Variants in CRLS1 observed in about 807,000 individuals in gnomAD.
The protein encoded by CRLS1 is cardiolipin synthase 1.
In CRLS1, 24 loss-of-function variants were observed where a neutral mutation model predicts 37.0. That is an observed-to-expected ratio of 0.65 (90% CI 0.47 to 0.91). The LOEUF (loss-of-function observed/expected upper bound fraction) is 0.91. Among genes scored for constraint, CRLS1 ranks in the 40% least tolerant of loss-of-function variants. The pLI, the probability that CRLS1 is intolerant of heterozygous loss-of-function variation, is 0.00. For synonymous variants in CRLS1, 135 were observed against 159.7 expected, an observed-to-expected ratio of 0.85 and a Z score of 1.17; for missense variants, 373 against 395.8, an observed-to-expected ratio of 0.94 and a Z score of 0.49.
intron 4 of CRLS1, 68 bp downstream of exon 4, chr20:6,031,438 A>G: frequency 2.5e-6 from 3 of 1,222,070 alleles, no homozygotes; most frequent in South Asian, 2.7e-5. Flanking sequence ...AAAAAGACAT[A>G]TTTTTGCGTC....
intron 3 of CRLS1, among the ~76,000 whole-genome samples, chr20:6,019,911 G>A (rs1030013139): frequency 1.3e-5 from 2 of 151,912 alleles, no homozygotes; most frequent in Non-Finnish European, 2.9e-5. Context: ...TGATCCTGAA[G>A]TGATCCTGAC....
At chr20:6,008,090 CT>C (rs11479572) in intron 1 of CRLS1, among the ~76,000 whole-genome samples, 21,986 of 138,312 alleles carry the variant, frequency 0.16, 2,006 homozygotes, top group Middle Eastern at 0.25. Flanking sequence ...TTAGAGAATA[CT>C]TTTTTTTTTT....
At position 6,037,136 on chromosome 20, in the gene CRLS1, C is replaced by CT; in HGVS notation, c.885dup (p.Val296CysfsTer15). ...AGTTACTATCATTATGGCCGGAAGACTGTTCAGGTGATAAAAGACTGATGA... is the reference window on the plus strand; with the variant it reads ...AGTTACTATCATTATGGCCGGAAGACTTGTTCAGGTGATAAAAGACTGATGA... On this transcript the variant is annotated frameshift_variant, in exon 7 of 7. Coordinates refer to ENST00000378863, the MANE Select transcript of CRLS1 (RefSeq NM_019095.6). LOFTEE classifies it high-confidence loss of function. The CT allele has an allele frequency of 6.2e-7, 1 of 1,613,408 alleles. No individual in the cohort carries two copies. Among genetic ancestry groups the CT allele is most frequent in the Non-Finnish European group, 8.5e-7 (1 of 1,179,586 alleles).
rs1368525476 is a variant in CRLS1, at chr20:6,039,534, T to C, written c.*2376T>C. 2.0e-5 allele frequency: 3 copies of C among 152,114 alleles called. No homozygotes were observed. The highest frequency in any genetic ancestry group is 4.4e-5 in the Non-Finnish European group (3 of 68,034). 9.4% of individuals were successfully genotyped at this position (152,114 alleles called of 1,614,324 possible). On this transcript the variant is annotated 3_prime_UTR_variant, in exon 7 of 7. Transcript: ENST00000378863. ...GCATGGTTTGGAAACAAAAGATACATAGGATTTAAACTCGATTTGTTTTCT... is the reference window on the plus strand; with the variant it reads ...GCATGGTTTGGAAACAAAAGATACACAGGATTTAAACTCGATTTGTTTTCT...
intron 3 of CRLS1, 143 bp downstream of exon 3, chr20:6,015,633 G>C: frequency 1.3e-6 from 1 of 780,716 alleles, no homozygotes; most frequent in Non-Finnish European, 2.1e-6. Flanking sequence ...TTAAACTGTT[G>C]AACTGTTTTG....
At chr20:6,017,947 A>G (rs775403314) in intron 3 of CRLS1, among the ~76,000 whole-genome samples, 1 of 152,136 alleles carries the variant, frequency 6.6e-6, no homozygotes, top group Non-Finnish European at 1.5e-5. Context: ...GCCGGGCACA[A>G]TGGCTTGCCC....
At chr20:6,022,335 CTTTT>C (rs34621758) in intron 3 of CRLS1, among the ~76,000 whole-genome samples, 2 of 94,698 alleles carry the variant, frequency 2.1e-5, no homozygotes, top group Non-Finnish European at 2.0e-5. Flanking sequence ...TAATCCATTG[CTTTT>C]TTTTTTTTTT....
intron 3 of CRLS1, among the ~76,000 whole-genome samples, chr20:6,017,360 T>C (rs981801981): frequency 6.6e-6 from 1 of 152,252 alleles, no homozygotes; most frequent in Non-Finnish European, 1.5e-5. Context: ...GCTTTTAGGA[T>C]TTTAAGAAAA....
At chr20:6,023,727 G>A (rs1600374808) in intron 3 of CRLS1, among the ~76,000 whole-genome samples, 1 of 144,978 alleles carries the variant, frequency 6.9e-6, no homozygotes, top group Non-Finnish European at 1.5e-5. Flanking sequence ...AATTTTTCAA[G>A]AGCTCATGTT....
chr20:6,025,256 C>T (rs1448944326), intron 3 of CRLS1, among the ~76,000 whole-genome samples: 1 of 152,184 alleles, frequency 6.6e-6, no homozygotes, highest in Non-Finnish European at 1.5e-5. Flanking sequence ...GAAGCCAGTG[C>T]TAATTTATCA....
chr20:6,023,775 G>A (rs188100121), intron 3 of CRLS1, among the ~76,000 whole-genome samples: 1 of 149,476 alleles, frequency 6.7e-6, no homozygotes, highest in African/African-American at 2.5e-5. Flanking sequence ...CTTATATCGT[G>A]TATGAATGTC....
chr20:6,036,847 C>G (rs182018020), intron 6 of CRLS1, among the ~76,000 whole-genome samples: 1 of 152,234 alleles, frequency 6.6e-6, no homozygotes, highest in Admixed American at 6.5e-5. Flanking sequence ...ATTTGTAGGG[C>G]TCATTATCTA....
Position 6,034,463 on chromosome 20 carries a change from G to A in CRLS1, c.730-1G>A, listed in dbSNP as rs780213898. 1 of 1,608,640 alleles carries A rather than the reference G, an allele frequency of 6.2e-7. No homozygotes were observed. Among genetic ancestry groups the A allele is most frequent in the Non-Finnish European group, 8.5e-7 (1 of 1,177,642 alleles). ...TTAGAACTTTTTCTTTTTTTATTTA[G>A]GTGAATACAGCAGTCCAGTTAATCT... On this transcript the variant is annotated splice_acceptor_variant, in intron 5 of 6. Transcript: ENST00000378863. LOFTEE classifies it high-confidence loss of function.
chr20:6,030,052 C>T (rs1600385741), intron 3 of CRLS1, among the ~76,000 whole-genome samples: 1 of 151,480 alleles, frequency 6.6e-6, no homozygotes, highest in South Asian at 2.1e-4. Context: ...TGTTCATGAT[C>T]CTTTTTATTT....
intron 3 of CRLS1, among the ~76,000 whole-genome samples, chr20:6,019,691 CTTTTTTTTT>C (rs146083457): frequency 8.3e-6 from 1 of 120,250 alleles, no homozygotes; most frequent in African/African-American, 3.2e-5. Context: ...TTTCGAAATT[CTTTTTTTTT>C]TTTTTTTTTT....
chr20:6,020,776 C>A (rs1034008262), intron 3 of CRLS1, among the ~76,000 whole-genome samples: 2 of 149,960 alleles, frequency 1.3e-5, no homozygotes, highest in Admixed American at 1.3e-4. Flanking sequence ...GTGCCTGCCA[C>A]CACGCCCGGC....
intron 1 of CRLS1, among the ~76,000 whole-genome samples, chr20:6,008,621 T>G (rs2090091447): frequency 6.6e-6 from 1 of 152,190 alleles, no homozygotes; most frequent in Admixed American, 6.5e-5. Flanking sequence ...TTGAACAAAT[T>G]TACACAATTT....
chr20:6,008,166 TTCAGAAATGGCC>T (rs1214851435), intron 1 of CRLS1, among the ~76,000 whole-genome samples: 21 of 149,322 alleles, frequency 1.4e-4, no homozygotes, highest in Non-Finnish European at 1.5e-5. Flanking sequence ...TAAAAGAATC[TTCAGAAATGGCC>T]TTTGCCACCT....
intron 3 of CRLS1, among the ~76,000 whole-genome samples, chr20:6,028,016 A>G (rs903316779): frequency 7.9e-5 from 12 of 152,216 alleles, no homozygotes; most frequent in African/African-American, 2.9e-4. Context: ...TTGTGTTTTT[A>G]TATCCTTTCA....
Sources: gnomAD v4.1 joint callset for allele counts (sites outside exome capture counted in the v4.1 genomes callset) on GRCh38, gnomAD v4.1.1 for gene constraint, MANE v1.5 for transcripts, NCBI Gene and HGNC (gene_info 2026-07-23, HGNC 2026-07-21) for gene names.